ROBO2: variants seen among roughly 807,000 people sequenced by gnomAD.
ROBO2 encodes roundabout guidance receptor 2, also known as roundabout homolog 2.
A neutral mutation model predicts 160.8 loss-of-function variants in ROBO2; 53 were observed. That is an observed-to-expected ratio of 0.33 (90% CI 0.26 to 0.41). ROBO2 has a LOEUF of 0.41. Ranked by LOEUF, ROBO2 falls within the 10% of genes least tolerant of loss-of-function variation. The pLI, the probability that ROBO2 is intolerant of heterozygous loss-of-function variation, is 1.00. For synonymous variants in ROBO2, 664 were observed against 611.7 expected, an observed-to-expected ratio of 1.09 and a Z score of -1.26; for missense variants, 1,577 against 1,722.4, an observed-to-expected ratio of 0.92 and a Z score of 1.49.
In ROBO2 at chr3:77,627,952, G is replaced by A. The variant is rs78964175; in HGVS notation, c.3760+5520G>A. Among the ~76,000 whole-genome samples, 1,413 of 152,230 alleles carry A rather than the reference G, an allele frequency of 9.3e-3. 23 individuals are homozygous for A. The highest frequency in any genetic ancestry group is 0.033 in the African/African-American group (1,363 of 41,536). On this transcript the variant is annotated intron_variant, in intron 23 of 25. Coordinates refer to ENST00000461745, the Ensembl canonical transcript of ROBO2. The stretch of plus-strand genomic sequence containing the variant: ...ATGACATGTAAATGAATTGATGACT[G>A]ATCATAAATTAATTTTAGTGCTGAA...
chr3:77,052,118 C>G (rs2065283634), intron 1 of ROBO2, among the ~76,000 whole-genome samples: 1 of 152,140 alleles, frequency 6.6e-6, no homozygotes, highest in Non-Finnish European at 1.5e-5. Context: ...GAGAAGTGCA[C>G]TGGTTTAGTC....
chr3:76,177,531 C>T (rs769473660), intron 2 of ROBO2, among the ~76,000 whole-genome samples: 5 of 152,126 alleles, frequency 3.3e-5, no homozygotes, highest in South Asian at 4.1e-4. Flanking sequence ...TTAGAAAATA[C>T]GAGGCTTGAT....
intron 2 of ROBO2, among the ~76,000 whole-genome samples, chr3:77,011,580 T>C (rs2061924676): frequency 6.6e-6 from 1 of 151,920 alleles, no homozygotes; most frequent in Admixed American, 6.6e-5. Flanking sequence ...CAGGAGTGTT[T>C]CCCAACCAGA....
intron 2 of ROBO2, among the ~76,000 whole-genome samples, chr3:76,396,090 C>T (rs1045426829): frequency 5.3e-5 from 8 of 152,206 alleles, no homozygotes; most frequent in African/African-American, 1.4e-4. Flanking sequence ...TCTGGCAAAC[C>T]GAATTCAGCA....
In ROBO2 at chr3:76,368,841, C is replaced by T. The variant is rs564618710; in HGVS notation, c.109+431239C>T. 3.9e-5 allele frequency among the ~76,000 whole-genome samples: 6 copies of T among 151,970 alleles called. No individual in the cohort carries two copies. In the South Asian group the frequency reaches 6.2e-4, roughly 16 times the overall value. On this transcript the variant is annotated intron_variant, in intron 2 of 26. Transcript: ENST00000487694. ...TCCAATTGAGACTAAAGATACCTTGCGATGTAGAGGAGTATATTTTGCTAT... is the reference window on the plus strand; with the variant it reads ...TCCAATTGAGACTAAAGATACCTTGTGATGTAGAGGAGTATATTTTGCTAT...
At chr3:77,368,643 T>G (rs2071294755) in intron 2 of ROBO2, among the ~76,000 whole-genome samples, 1 of 152,258 alleles carries the variant, frequency 6.6e-6, no homozygotes, top group Admixed American at 6.5e-5. Context: ...AAACACATTT[T>G]ACATGTGTCT....
chr3:76,773,477 C>G (rs1169364869), intron 2 of ROBO2, among the ~76,000 whole-genome samples: 3 of 150,818 alleles, frequency 2.0e-5, no homozygotes, highest in African/African-American at 7.3e-5. Context: ...CTGGGTCTTT[C>G]CTGCTTCTTC....
intron 2 of ROBO2, among the ~76,000 whole-genome samples, chr3:77,264,941 C>G (rs1314354153): frequency 1.3e-5 from 2 of 152,108 alleles, no homozygotes; most frequent in African/African-American, 2.4e-5. Flanking sequence ...AGAAAAATCT[C>G]TTTATTCTTG....
intron 6 of ROBO2, among the ~76,000 whole-genome samples, chr3:77,530,641 G>C (rs561629025): frequency 6.6e-6 from 1 of 152,080 alleles, no homozygotes; most frequent in Middle Eastern, 3.4e-3. Context: ...TCACCAGTGG[G>C]TCAGAAAGAG....
chr3:76,663,904 A>C (rs1169095153), intron 2 of ROBO2, among the ~76,000 whole-genome samples: 1 of 151,552 alleles, frequency 6.6e-6, no homozygotes, highest in Non-Finnish European at 1.5e-5. Flanking sequence ...ACTCCATCTC[A>C]GGAAAAAAAA....
chr3:76,469,909 A>G (rs891542121), intron 2 of ROBO2, among the ~76,000 whole-genome samples: 1 of 152,170 alleles, frequency 6.6e-6, no homozygotes, highest in Non-Finnish European at 1.5e-5. Context: ...TTTCTCACAG[A>G]TATCAGGATT....
At chr3:76,014,132 C>T (rs1013882297) in intron 2 of ROBO2, among the ~76,000 whole-genome samples, 10 of 146,986 alleles carry the variant, frequency 6.8e-5, no homozygotes, top group Non-Finnish European at 3.0e-5. Context: ...GTGGCTTATG[C>T]GTGTAATCCC....
At chr3:76,681,863 A>G (rs2092572351) in intron 2 of ROBO2, among the ~76,000 whole-genome samples, 1 of 152,136 alleles carries the variant, frequency 6.6e-6, no homozygotes, top group Non-Finnish European at 1.5e-5. Flanking sequence ...AGAGATAGGC[A>G]AGGGCTAGAT....
At chr3:77,556,844 C>T (rs115567722) in intron 8 of ROBO2, among the ~76,000 whole-genome samples, 592 of 151,658 alleles carry the variant, frequency 3.9e-3, no homozygotes, top group Non-Finnish European at 5.3e-3. Flanking sequence ...TACATATAAC[C>T]ATACACAATA....
At chr3:77,001,838 C>G (rs2061349578) in intron 2 of ROBO2, among the ~76,000 whole-genome samples, 1 of 152,036 alleles carries the variant, frequency 6.6e-6, no homozygotes, top group African/African-American at 2.4e-5. Context: ...ATTATGTTGC[C>G]CATGTGTGTG....
At chr3:76,222,227 T>A (rs1704011342) in intron 2 of ROBO2, among the ~76,000 whole-genome samples, 1 of 152,144 alleles carries the variant, frequency 6.6e-6, no homozygotes, top group Non-Finnish European at 1.5e-5. Context: ...TTGCAGCAAC[T>A]TCAGTTCTTG....
chr3:76,869,372 C>T (rs548918227), intron 2 of ROBO2, among the ~76,000 whole-genome samples: 2 of 89,888 alleles, frequency 2.2e-5, no homozygotes, highest in African/African-American at 4.7e-5. Context: ...TTTTTTGAGA[C>T]GGAGTCTGAC....
At chr3:76,137,130 A>G (rs989950296) in intron 2 of ROBO2, among the ~76,000 whole-genome samples, 3 of 152,008 alleles carry the variant, frequency 2.0e-5, no homozygotes, top group East Asian at 1.9e-4. Flanking sequence ...GTTCAACCTT[A>G]TATTCTTTTG....
intron 2 of ROBO2, among the ~76,000 whole-genome samples, chr3:77,180,434 ATTT>A (rs71104658): frequency 0.13 from 10,258 of 81,416 alleles, 599 homozygotes; most frequent in Middle Eastern, 0.18. Context: ...ATATATATGT[ATTT>A]TTTTTTTTTT....
Sources: gnomAD v4.1 joint callset for allele counts (sites outside exome capture counted in the v4.1 genomes callset) on GRCh38, gnomAD v4.1.1 for gene constraint, MANE v1.5 for transcripts, NCBI Gene and HGNC (gene_info 2026-07-23, HGNC 2026-07-21) for gene names.